The following USP3 variants were observed in gnomAD, a reference collection of about 807,000 sequenced individuals.
USP3 encodes ubiquitin specific peptidase 3, also known as ubiquitin carboxyl-terminal hydrolase 3.
A neutral mutation model predicts 72.3 loss-of-function variants in USP3; 20 were observed. The observed-to-expected ratio is 0.28, with a 90% CI of 0.19 to 0.40. The LOEUF is 0.40. USP3 is among the 10% of genes least tolerant of loss of function. The pLI is 1.00. For synonymous variants in USP3, 222 were observed against 225.3 expected, an observed-to-expected ratio of 0.99 and a Z score of 0.13; for missense variants, 479 against 633.9, an observed-to-expected ratio of 0.76 and a Z score of 2.62.
At position 63,504,751 on chromosome 15, in the gene USP3, A is replaced by T. The variant is rs534547824; in HGVS notation, c.12A>T (p.Pro4=). 1 of 1,610,368 alleles carries T rather than the reference A, an allele frequency of 6.2e-7. No homozygotes were observed. Among genetic ancestry groups the T allele is most frequent in the South Asian group, 1.1e-5 (1 of 90,472 alleles). The part of the protein sequence containing the change: MEC[P]HLSSSVCIAP... ...CCCTCCTCGTGGCCATGGAGTGTCC[A>T]CACCTGAGCTCCAGCGTCTGCATTG... is the stretch of plus-strand genomic sequence containing the variant. Residue 4 remains proline (P), a synonymous_variant, in exon 1 of 15, where the codon CCA becomes CCT. Coordinates refer to ENST00000380324, the MANE Select transcript of USP3 (RefSeq NM_006537.4).
At chr15:63,536,832 C>T (rs546319215) in intron 2 of USP3, among the ~76,000 whole-genome samples, 193 bp from the exon 3 acceptor site, 1 of 149,830 alleles carries the variant, frequency 6.7e-6, no homozygotes, top group African/African-American at 2.5e-5. Context: ...CCAGCCTGGG[C>T]AACAGAGCGA....
intron 3 of USP3, among the ~76,000 whole-genome samples, chr15:63,547,990 A>C (rs2066376622): frequency 6.6e-6 from 1 of 151,844 alleles, no homozygotes; most frequent in South Asian, 2.1e-4. Flanking sequence ...GCGTGCCTGC[A>C]GTCCCAACTA....
intron 2 of USP3, among the ~76,000 whole-genome samples, chr15:63,536,800 G>C (rs2066163806): frequency 6.6e-6 from 1 of 151,744 alleles, no homozygotes; most frequent in South Asian, 2.1e-4. Context: ...CTTGCAGTGA[G>C]CCAAGATCGT....
chr15:63,511,939 T>C (rs986889662), intron 1 of USP3, among the ~76,000 whole-genome samples: 5 of 151,232 alleles, frequency 3.3e-5, no homozygotes, highest in African/African-American at 1.2e-4. Context: ...AAACTAAAAC[T>C]AGTAACTGCA....
At chr15:63,572,789 G>A (rs2066800641) in intron 9 of USP3, among the ~76,000 whole-genome samples, 1 of 152,172 alleles carries the variant, frequency 6.6e-6, no homozygotes, top group African/African-American at 2.4e-5. Context: ...GTGCACGAAG[G>A]CTAATAGACA....
intron 1 of USP3, among the ~76,000 whole-genome samples, chr15:63,505,730 C>T (rs1220351308): frequency 2.6e-5 from 4 of 152,176 alleles, no homozygotes; most frequent in African/African-American, 9.7e-5. Context: ...GCTTTGCTTA[C>T]TTCCTGGTAG....
At chr15:63,534,851 A>G (rs116787097) in intron 2 of USP3, among the ~76,000 whole-genome samples, 3,619 of 152,256 alleles carry the variant, frequency 0.024, 130 homozygotes, top group African/African-American at 0.082. Flanking sequence ...AATATATATG[A>G]TAAGAATAGG....
At chr15:63,556,911 G>C in intron 5 of USP3, 163 bp downstream of exon 5, 1 of 571,632 alleles carries the variant, frequency 1.7e-6, no homozygotes, top group Non-Finnish European at 3.1e-6. Context: ...GTCGATTGTT[G>C]CCGTGACCCC....
chr15:63,545,565 T>A (rs1385107244), intron 3 of USP3, among the ~76,000 whole-genome samples: 1 of 152,140 alleles, frequency 6.6e-6, no homozygotes, highest in Non-Finnish European at 1.5e-5. Context: ...CCTAGTACAA[T>A]TTTCAAGTAT....
intron 14 of USP3, among the ~76,000 whole-genome samples, chr15:63,589,813 C>T (rs2067152333): frequency 6.7e-6 from 1 of 148,360 alleles, no homozygotes; most frequent in Non-Finnish European, 1.5e-5. Context: ...TAAAGACTGC[C>T]ATGGCCTACT....
intron 1 of USP3, among the ~76,000 whole-genome samples, chr15:63,510,476 G>T (rs1432320460): frequency 6.6e-6 from 1 of 152,118 alleles, no homozygotes; most frequent in African/African-American, 2.4e-5. Flanking sequence ...TTCAACCAAG[G>T]CATTGAAATA....
At chr15:63,558,033 C>T (rs2066541513) in intron 5 of USP3, 73 bp from the exon 6 acceptor site, 4 of 1,533,266 alleles carry the variant, frequency 2.6e-6, no homozygotes, top group Non-Finnish European at 3.6e-6. Context: ...AGAGGCCTTT[C>T]CTTAGCTTTG....
At chr15:63,522,179 T>G (rs1284938010) in intron 1 of USP3, among the ~76,000 whole-genome samples, 1 of 152,220 alleles carries the variant, frequency 6.6e-6, no homozygotes, top group Non-Finnish European at 1.5e-5. Flanking sequence ...CCCAGTCCTC[T>G]CAGGCGATTA....
In USP3 at chr15:63,593,660, T is replaced by A. The variant is rs997807589; in HGVS notation, c.*2834T>A. The A allele has an allele frequency of 6.6e-6, 1 of 152,242 alleles. No homozygotes were observed. Among genetic ancestry groups the A allele is most frequent in the South Asian group, 2.1e-4 (1 of 4,830 alleles). The allele number at this position is 152,242 out of a possible 1,614,324, so 9.4% of individuals were successfully genotyped here. On this transcript the variant is annotated 3_prime_UTR_variant, in exon 15 of 15. Coordinates refer to ENST00000380324, the MANE Select transcript of USP3 (RefSeq NM_006537.4). Reference sequence around the variant, plus strand: ...GTGTGAAGATTCTTTAGAAAAGTGATTGGATCCATCTCAATTGTGCACTTG... The same window carrying A: ...GTGTGAAGATTCTTTAGAAAAGTGAATGGATCCATCTCAATTGTGCACTTG...
At chr15:63,565,358 AC>A (rs1364551541) in intron 8 of USP3, among the ~76,000 whole-genome samples, 1 of 152,138 alleles carries the variant, frequency 6.6e-6, no homozygotes, top group East Asian at 1.9e-4. Flanking sequence ...TGAAGTTTTG[AC>A]CTTTTCCAAC....
In USP3 at chr15:63,570,515, G is replaced by A. The variant is rs756557754; in HGVS notation, c.844G>A (p.Gly282Ser). Reference protein sequence around the residue: ...LHLELQGGFNGVSRSAILQEN... With the variant: ...LHLELQGGFNSVSRSAILQEN... ...CTTGGAACTTCAGGGCGGTTTCAAC[G>A]GTGTTTCCCGCTCAGCAATTCTGCA... The change falls in exon 9 of 15, where the codon GGT becomes AGT. Residue 282 changes from glycine to serine, a missense_variant. Coordinates refer to ENST00000380324, the MANE Select transcript of USP3 (RefSeq NM_006537.4). This position sits in a 1 kb window ranked among gnomAD's most constrained non-coding sequence, Gnocchi z 4.4. 35 of 1,614,104 alleles carry A rather than the reference G, an allele frequency of 2.2e-5. No homozygotes were observed. In the East Asian group the frequency reaches 2.9e-4, roughly 13 times the overall value.
chr15:63,569,631 T>A (rs777290109), intron 8 of USP3, among the ~76,000 whole-genome samples: 1 of 152,210 alleles, frequency 6.6e-6, no homozygotes, highest in Non-Finnish European at 1.5e-5. Flanking sequence ...AAAAGTACTT[T>A]ATATAGCAAT....
chr15:63,565,894 TC>T (rs2152675701), intron 8 of USP3, among the ~76,000 whole-genome samples: 1 of 152,334 alleles, frequency 6.6e-6, no homozygotes, highest in African/African-American at 2.4e-5. Flanking sequence ...AAGGAAATGT[TC>T]TTCTGTAATT....
At chr15:63,518,036 C>T (rs2065874822) in intron 1 of USP3, among the ~76,000 whole-genome samples, 1 of 152,054 alleles carries the variant, frequency 6.6e-6, no homozygotes, top group African/African-American at 2.4e-5. Context: ...GAATTTGCCA[C>T]GTTTAGTTTA....
Sources: allele counts gnomAD v4.1 joint callset (sites outside exome capture counted in the v4.1 genomes callset), GRCh38; gene constraint gnomAD v4.1.1; non-coding constraint Gnocchi (gnomAD v3.1); transcripts MANE v1.5; gene names NCBI Gene and HGNC (gene_info 2026-07-23, HGNC 2026-07-21).